ZNF891: variants seen among roughly 807,000 people sequenced by gnomAD.
ZNF891 encodes hCG1646157.
For synonymous variants in ZNF891, 199 were observed against 209.0 expected (o/e 0.95, Z 0.41); for missense variants, 589 against 632.7 (o/e 0.93, Z 0.74).
rs796670283 is a variant in ZNF891, at chr12:133,117,308, G to A, written c.*2976C>T. 6 of 152,320 alleles carry A rather than the reference G, an allele frequency of 3.9e-5. No individual in the cohort carries two copies. The highest frequency in any genetic ancestry group is 1.4e-4 in the African/African-American group (6 of 41,568). 9.4% of individuals were successfully genotyped at this position (152,320 alleles called of 1,614,324 possible). On this transcript the variant is annotated 3_prime_UTR_variant, in exon 2 of 2. Transcript: ENST00000537226. ...TTTTGTAGCTAAATACAATACTACT[G>A]TTAGCAAAACTGAAGATCTATTCAT...
intron 1 of ZNF891, among the ~76,000 whole-genome samples, chr12:133,128,792 GA>G (rs74873248): frequency 0.24 from 24,943 of 104,562 alleles, 2,676 homozygotes; most frequent in Middle Eastern, 0.37. Flanking sequence ...ACTCTGTCTC[GA>G]AAAAAAAAAA....
rs1171109332 is a variant in ZNF891, at chr12:133,114,856, C to T, written c.*5428G>A. On this transcript the variant is annotated 3_prime_UTR_variant, in exon 2 of 2. Coordinates refer to ENST00000537226, the MANE Select transcript of ZNF891 (RefSeq NM_001277291.2). ...ATTTTATCTTAACTGGAGAAAAAGG[C>T]CAGAAGAAGATTAAACGTGAAATGT... is the stretch of plus-strand genomic sequence containing the variant. 1 of 152,070 alleles carries T rather than the reference C, an allele frequency of 6.6e-6. No homozygotes were observed. The highest frequency in any genetic ancestry group is 1.5e-5 in the Non-Finnish European group (1 of 68,034). 9.4% of individuals were successfully genotyped at this position (152,070 alleles called of 1,614,324 possible). A position where few individuals can be genotyped will look rare whatever the true frequency, so the allele number is the denominator to read the frequency against.
rs754785325 is a variant in ZNF891 at position 133,120,961 on chromosome 12, G to T, written c.958C>A (p.His320Asn). The T allele has an allele frequency of 1.3e-6, 2 of 1,535,836 alleles. No individual in the cohort carries two copies. The highest frequency in any genetic ancestry group is 2.4e-5 in the South Asian group (2 of 84,058). The change falls in exon 2 of 2, where the codon CAT (histidine) becomes AAT (asparagine). Residue 320 changes from histidine to asparagine, a missense_variant. Transcript: ENST00000537226. ...GCTTTTCCACATTGATTGCATTCAT[G>T]TTTCTTTTCAGTATGAGTTTGTCCT... ...KQGQTHTEKKHECNQCGKAFK... is the reference protein window; with the variant it reads ...KQGQTHTEKKNECNQCGKAFK...
Position 133,128,635 on chromosome 12 carries a change from AAAAC to A in ZNF891, c.-107+1588_-107+1591del, listed in dbSNP as rs756200391. Among the ~76,000 whole-genome samples the A allele has an allele frequency of 1.4e-4, 21 of 152,242 alleles. 1 individual carries two copies. In the South Asian group the frequency reaches 3.5e-3, roughly 26 times the overall value. ...GGCGAGAGAGAGAGACTCTGTCTCA[AAAAC>A]AAACAAACAAACAAAAACAAAAATT... On this transcript the variant is annotated intron_variant, in intron 1 of 1. Transcript: ENST00000537226.
chr12:133,116,773 C>T lies in ZNF891; in HGVS notation c.*3511G>A, dbSNP rs1460751120. On this transcript the variant is annotated 3_prime_UTR_variant, in exon 2 of 2. Transcript: ENST00000537226. Reference sequence around the variant, plus strand: ...CTCCCTTAATATCCTCAACTATTTCCCTGAACATTTCCTTTCATTAATTTA... The same window carrying T: ...CTCCCTTAATATCCTCAACTATTTCTCTGAACATTTCCTTTCATTAATTTA... 6.6e-6 allele frequency: 1 copy of T among 152,184 alleles called. No individual in the cohort carries two copies. Among genetic ancestry groups the T allele is most frequent in the African/African-American group, 2.4e-5 (1 of 41,436 alleles). 9.4% of individuals were successfully genotyped at this position (152,184 alleles called of 1,614,324 possible). A position where few individuals can be genotyped will look rare whatever the true frequency, so the allele number is the denominator to read the frequency against.
Position 133,121,868 on chromosome 12 carries a change from A to C in ZNF891, c.51T>G (p.Ser17=), listed in dbSNP as rs1159015325. ...SSPWALTKQD[S]ACFHLRNAEE... is the part of the protein sequence containing the mutation. The stretch of plus-strand genomic sequence containing the variant: ...CAGCATTTCTCAGATGGAAACAGGC[A>C]GAGTCCTGTTTAGTTAAAGCCCATG... Residue 17 remains serine, a synonymous_variant, in exon 2 of 2, where the codon TCT becomes TCG. Coordinates refer to ENST00000537226, the MANE Select transcript of ZNF891 (RefSeq NM_001277291.2). The C allele has an allele frequency of 5.2e-6, 8 of 1,536,488 alleles. No homozygotes were observed. The highest frequency in any genetic ancestry group is 7.0e-6 in the Non-Finnish European group (8 of 1,146,984).
At position 133,121,336 on chromosome 12, in the gene ZNF891, C is replaced by CT; in HGVS notation, c.582dup (p.Glu195ArgfsTer5). The CT allele has an allele frequency of 1.3e-6, 2 of 1,535,986 alleles. No homozygotes were observed. Among genetic ancestry groups the CT allele is most frequent in the Admixed American group, 2.0e-5 (1 of 50,984 alleles). On this transcript the variant is annotated frameshift_variant, in exon 2 of 2. Coordinates refer to ENST00000537226, the MANE Select transcript of ZNF891 (RefSeq NM_001277291.2). LOFTEE classifies it low-confidence loss of function (END_TRUNC). ...TTTGATCCAAGTTTAGAGTTTTCCT[C>CT]TAATTCATGATAGTCACGGAATAGC...
Position 133,108,286 on chromosome 12 carries a change from G to C in ZNF891, c.*11998C>G, listed in dbSNP as rs1299117904. 1 of 151,086 alleles carries C rather than the reference G, an allele frequency of 6.6e-6. No homozygotes were observed. The highest frequency in any genetic ancestry group is 1.5e-5 in the Non-Finnish European group (1 of 67,854). The allele number at this position is 151,086 out of a possible 1,614,324, so 9.4% of individuals were successfully genotyped here. ...CAAGCAGCATGCCTTATTACATATG[G>C]GTATCTAGTATCTGATTTGGTTTTC... is the stretch of plus-strand genomic sequence containing the variant. On this transcript the variant is annotated 3_prime_UTR_variant, in exon 2 of 2. Coordinates refer to ENST00000537226, the MANE Select transcript of ZNF891 (RefSeq NM_001277291.2).
At chr12:133,122,532 A>G (rs1955774637) in intron 1 of ZNF891, among the ~76,000 whole-genome samples, 1 of 152,184 alleles carries the variant, frequency 6.6e-6, no homozygotes, top group African/African-American at 2.4e-5. Context: ...TGACTTTGAA[A>G]CAGATGTTCA....
In ZNF891 at chr12:133,120,917, A is replaced by C; in HGVS notation, c.1002T>G (p.Asn334Lys). ...QCGKAFKRIS[N>K]LTLYKKSHMG... The stretch of plus-strand genomic sequence containing the variant: ...TGTGACTTTTCTTGTATAAAGTAAG[A>C]TTAGAAATCCTTTTGAAGGCTTTTC... The change falls in exon 2 of 2, where the codon AAT becomes AAG. Residue 334 changes from asparagine to lysine, a missense_variant. Transcript: ENST00000537226. 6.5e-7 allele frequency: 1 copy of C among 1,537,210 alleles called. No individual in the cohort carries two copies. The highest frequency in any genetic ancestry group is 8.7e-7 in the Non-Finnish European group (1 of 1,146,890).
rs1955739773 is a variant in ZNF891, at chr12:133,120,029, C to T, written c.*255G>A. 3.0e-6 allele frequency: 1 copy of T among 333,622 alleles called. No homozygotes were observed. The highest frequency in any genetic ancestry group is 2.1e-5 in the African/African-American group (1 of 47,180). The allele number at this position is 333,622 out of a possible 1,614,324, so 20.7% of individuals were successfully genotyped here. ...AGCAGTAAAATATAGTCCAGATTCT[C>T]TGAACACAATGGAATTAACCTAGAA... On this transcript the variant is annotated 3_prime_UTR_variant, in exon 2 of 2. Transcript: ENST00000537226.
Position 133,106,506 on chromosome 12 carries a change from A to G in ZNF891, c.*13778T>C. The G allele has an allele frequency of 6.2e-7, 1 of 1,614,134 alleles. No individual in the cohort carries two copies. Among genetic ancestry groups the G allele is most frequent in the African/African-American group, 1.3e-5 (1 of 75,058 alleles). Reference sequence around the variant, plus strand: ...CTACATCAGAGAACTCATACTGGAGAGAAACCCTATGTATGTAAGGTATGC... The same window carrying G: ...CTACATCAGAGAACTCATACTGGAGGGAAACCCTATGTATGTAAGGTATGC... On this transcript the variant is annotated 3_prime_UTR_variant, in exon 2 of 2. Coordinates refer to ENST00000537226, the MANE Select transcript of ZNF891 (RefSeq NM_001277291.2).
chr12:133,126,035 C>T (rs2137625477), intron 1 of ZNF891: 1 of 196,120 alleles, frequency 5.1e-6, no homozygotes. Flanking sequence ...CACTGTACTA[C>T]TATATTTGTG....
At position 133,118,659 on chromosome 12, in the gene ZNF891, C is replaced by T. The variant is rs1955729721; in HGVS notation, c.*1625G>A. ...ACTTAGCATTTAAAATTGGTAACTT[C>T]CCCTCTGTCTGAAAACTTTCTGTAG... On this transcript the variant is annotated 3_prime_UTR_variant, in exon 2 of 2. Coordinates refer to ENST00000537226, the MANE Select transcript of ZNF891 (RefSeq NM_001277291.2). The T allele has an allele frequency of 6.6e-6, 1 of 152,218 alleles. No homozygotes were observed. Among genetic ancestry groups the T allele is most frequent in the South Asian group, 2.1e-4 (1 of 4,834 alleles). The allele number at this position is 152,218 out of a possible 1,614,324, so 9.4% of individuals were successfully genotyped here.
rs1955740723 is a variant in ZNF891 at position 133,120,157 on chromosome 12, G to GAGC, written c.*126_*127insGCT. The GAGC allele has an allele frequency of 1.4e-6, 1 of 708,948 alleles. No homozygotes were observed. The highest frequency in any genetic ancestry group is 2.2e-6 in the Non-Finnish European group (1 of 458,538). 43.9% of individuals were successfully genotyped at this position (708,948 alleles called of 1,614,324 possible). ...AAAAAAGTCATAATTAGTATTTACA[G>GAGC]AAAATGTTATATTAAAAAAAGAGCC... On this transcript the variant is annotated 3_prime_UTR_variant, in exon 2 of 2. Coordinates refer to ENST00000537226, the MANE Select transcript of ZNF891 (RefSeq NM_001277291.2).
rs1419246337 is a variant in ZNF891 at position 133,113,371 on chromosome 12, G to A, written c.*6913C>T. The A allele has an allele frequency of 6.6e-6, 1 of 151,834 alleles. No individual in the cohort carries two copies. The allele number at this position is 151,834 out of a possible 1,614,324, so 9.4% of individuals were successfully genotyped here. A position where few individuals can be genotyped will look rare whatever the true frequency, so the allele number is the denominator to read the frequency against. ...TGACATAACCATTGATAAAACTTTG[G>A]TGTTATGTCTTTCCATATTTTCAAT... On this transcript the variant is annotated 3_prime_UTR_variant, in exon 2 of 2. Coordinates refer to ENST00000537226, the MANE Select transcript of ZNF891 (RefSeq NM_001277291.2).
chr12:133,106,303 A>G lies in ZNF891; in HGVS notation c.*13981T>C. Reference sequence around the variant, plus strand: ...GTAGGAAAGCTTTCCGTTGTCACTCATTCCTTATTAAACATCAGAGAATTC... The same window carrying G: ...GTAGGAAAGCTTTCCGTTGTCACTCGTTCCTTATTAAACATCAGAGAATTC... On this transcript the variant is annotated 3_prime_UTR_variant, in exon 2 of 2. Coordinates refer to ENST00000537226, the MANE Select transcript of ZNF891 (RefSeq NM_001277291.2). The G allele has an allele frequency of 6.2e-7, 1 of 1,614,218 alleles. No individual in the cohort carries two copies. The highest frequency in any genetic ancestry group is 8.5e-7 in the Non-Finnish European group (1 of 1,180,024).
intron 1 of ZNF891, among the ~76,000 whole-genome samples, chr12:133,128,348 A>AT (rs757460857): frequency 2.6e-5 from 4 of 152,188 alleles, no homozygotes; most frequent in Non-Finnish European, 4.4e-5. Context: ...CAAGAAGCAG[A>AT]TGGCCAGGCA....
chr12:133,107,844 G>A lies in ZNF891; in HGVS notation c.*12440C>T, dbSNP rs2137604434. ...TAAGCAATTTTATTTTGTAGAAAGAGAGGTAGAGAATATGAATAGGAATGA... is the reference window on the plus strand; with the variant it reads ...TAAGCAATTTTATTTTGTAGAAAGAAAGGTAGAGAATATGAATAGGAATGA... On this transcript the variant is annotated 3_prime_UTR_variant, in exon 2 of 2. Transcript: ENST00000537226. The A allele has an allele frequency of 6.6e-6, 1 of 152,338 alleles. No individual in the cohort carries two copies. The allele number at this position is 152,338 out of a possible 1,614,324, so 9.4% of individuals were successfully genotyped here.
Sources: allele counts gnomAD v4.1 joint callset (sites outside exome capture counted in the v4.1 genomes callset), GRCh38; gene constraint gnomAD v4.1.1; transcripts MANE v1.5; gene names NCBI Gene and HGNC (gene_info 2026-07-23, HGNC 2026-07-21).